The following GDE1 variants were observed in gnomAD, a reference collection of about 807,000 sequenced individuals.
The protein encoded by GDE1 is RGS16-interacting membrane protein.
GDE1 carries 24 observed loss-of-function variants against 32.2 expected under a neutral mutation model. That is an observed-to-expected ratio of 0.75 (90% confidence interval 0.54 to 1.05). GDE1 has a LOEUF of 1.05. GDE1 is among the 50% of genes least tolerant of loss of function. The probability of loss-of-function intolerance (pLI) is 0.00; values close to 1 mark genes in which losing one functional copy is unlikely to be tolerated. For synonymous variants in GDE1, 159 were observed against 158.6 expected (o/e 1.00, Z -0.02); for missense variants, 380 against 415.0 (o/e 0.92, Z 0.73).
Position 19,507,597 on chromosome 16 carries a change from T to A in GDE1, c.636+90A>T, listed in dbSNP as rs943436013. 13 of 742,082 alleles carry A rather than the reference T, an allele frequency of 1.8e-5. No individual in the cohort carries two copies. The South Asian group carries it at 1.8e-4, about 10-fold the overall frequency. The allele number at this position is 742,082 out of a possible 1,614,324, so 46.0% of individuals were successfully genotyped here. The stretch of plus-strand genomic sequence containing the variant: ...AACTGTGACCCTGATGCAGTTCAAT[T>A]TAATAGGCATCTATCCTGTGCTTAC... On this transcript the variant is annotated intron_variant, in intron 4 of 5. Coordinates refer to ENST00000353258, the MANE Select transcript of GDE1 (RefSeq NM_016641.4).
chr16:19,519,539 A>C (rs1418469275), intron 1 of GDE1, among the ~76,000 whole-genome samples: 1 of 152,070 alleles, frequency 6.6e-6, no homozygotes, highest in Non-Finnish European at 1.5e-5. Flanking sequence ...CTGGGAAACC[A>C]AAAAATTTGT....
intron 2 of GDE1, among the ~76,000 whole-genome samples, chr16:19,514,575 G>T (rs114413936): frequency 0.018 from 2,689 of 152,192 alleles, 90 homozygotes; most frequent in African/African-American, 0.062. Flanking sequence ...ACATAAATCT[G>T]TTAACTGTAT....
intron 1 of GDE1, among the ~76,000 whole-genome samples, chr16:19,520,421 A>ATT (rs1969435798): frequency 1.3e-5 from 2 of 148,656 alleles, no homozygotes; most frequent in African/African-American, 2.5e-5. Flanking sequence ...AAAAAAAAAG[A>ATT]AAAAAAAAGG....
chr16:19,517,064 C>T lies in GDE1; in HGVS notation c.387G>A (p.Leu129=), dbSNP rs768809353. 1.2e-6 allele frequency: 2 copies of T among 1,614,192 alleles called. No homozygotes were observed. Among genetic ancestry groups the T allele is most frequent in the Non-Finnish European group, 1.7e-6 (2 of 1,180,030 alleles). The change falls in exon 2 of 6, where the codon TTG becomes TTA. Residue 129 remains leucine (L), a synonymous_variant. Transcript: ENST00000353258. The part of the protein sequence containing the change: ...TTDGTGRLCD[L]TFEQIRKLNP... ...TCAGCTTCCTAATTTGTTCAAATGT[C>T]AAATCACACAATCGCCCAGTCCCAT...
Position 19,519,449 on chromosome 16 carries a change from C to CATATATAT in GDE1, c.261+2247_261+2254dup, listed in dbSNP as rs111659244. Reference sequence around the variant, plus strand: ...AAACCTATATATGTGTGTGTATGTGCATATATATATATATATATATATATA... The same window carrying CATATATAT: ...AAACCTATATATGTGTGTGTATGTGCATATATATATATATATATATATATATATATATA... On this transcript the variant is annotated intron_variant, in intron 1 of 5. Coordinates refer to ENST00000353258, the MANE Select transcript of GDE1 (RefSeq NM_016641.4). Among the ~76,000 whole-genome samples the CATATATAT allele has an allele frequency of 9.8e-3, 1,446 of 146,832 alleles. 18 individuals carry two copies. The highest frequency in any genetic ancestry group is 0.052 in the East Asian group (252 of 4,840).
At chr16:19,505,137 T>G (rs1263255943) in intron 4 of GDE1, 45 bp from the exon 5 acceptor site, 1 of 1,292,200 alleles carries the variant, frequency 7.7e-7, no homozygotes, top group Admixed American at 1.7e-5. Context: ...ATATGTAAAG[T>G]TGAATACTTA....
In GDE1 at chr16:19,521,707, C is replaced by T; in HGVS notation, c.258G>A (p.Arg86=). 6.2e-7 allele frequency: 1 copy of T among 1,611,592 alleles called. No individual in the cohort carries two copies. Among genetic ancestry groups the T allele is most frequent in the Non-Finnish European group, 8.5e-7 (1 of 1,179,314 alleles). ...DAPENTLAAI[R]QAAKNGATGV... ...GGCGCGAACGTGGGGGTCTCACCTG[C>T]CGAATGGCCGCCAGCGTGTTCTCGG... Residue 86 remains arginine, a synonymous_variant, in exon 1 of 6, where the codon CGG becomes CGA. Coordinates refer to ENST00000353258, the MANE Select transcript of GDE1 (RefSeq NM_016641.4).
At chr16:19,504,839 C>G (rs765003403) in intron 5 of GDE1, 42 bp downstream of exon 5, 1 of 1,252,940 alleles carries the variant, frequency 8.0e-7, no homozygotes, top group South Asian at 1.3e-5. Context: ...TAAGAGCATT[C>G]AGGATGTCTG....
At chr16:19,510,974 A>G in intron 2 of GDE1, 30 bp from the exon 3 acceptor site, 1 of 1,088,782 alleles carries the variant, frequency 9.2e-7, no homozygotes, top group East Asian at 2.4e-5. Context: ...ACGTTGTAGG[A>G]AAAAAGAGAA....
At chr16:19,503,930 C>T in intron 5 of GDE1, 1 of 265,374 alleles carries the variant, frequency 3.8e-6, no homozygotes, top group Non-Finnish European at 7.1e-6. Flanking sequence ...CACCACATTC[C>T]CCCTTTCTTT....
intron 4 of GDE1, 64 bp downstream of exon 4, chr16:19,507,623 G>A (rs11860778): frequency 0.12 from 98,046 of 823,296 alleles, 9,552 homozygotes; most frequent in East Asian, 0.39. Flanking sequence ...CTGTGCTTAC[G>A]CAGCCCATTG....
chr16:19,512,177 A>G (rs1969326193), intron 2 of GDE1, among the ~76,000 whole-genome samples: 1 of 152,144 alleles, frequency 6.6e-6, no homozygotes, highest in African/African-American at 2.4e-5. Flanking sequence ...ACTAATTTAC[A>G]TTCCCACCAA....
At position 19,521,869 on chromosome 16, in the gene GDE1, G is replaced by T. The variant is rs760929197; in HGVS notation, c.96C>A (p.Cys32Ter). Residue 32 changes from cysteine (C) to a stop codon, truncating the protein, a stop_gained, in exon 1 of 6, where the codon TGC becomes TGA. Transcript: ENST00000353258. LOFTEE classifies it high-confidence loss of function. ...GAACGAAGAGGCTGCCGGTGAGGAG[G>T]CAGGCATTGACCGGGCTCCGCGTCA... ...LLVTRSPVNA[C>*]LLTGSLFVLL... The T allele has an allele frequency of 6.2e-7, 1 of 1,606,360 alleles. No homozygotes were observed. Among genetic ancestry groups the T allele is most frequent in the Non-Finnish European group, 8.5e-7 (1 of 1,177,358 alleles).
chr16:19,505,933 T>C (rs1969240893), intron 4 of GDE1, among the ~76,000 whole-genome samples: 1 of 152,228 alleles, frequency 6.6e-6, no homozygotes, highest in African/African-American at 2.4e-5. Flanking sequence ...GGAGGAAAAG[T>C]TTCTTTTTAA....
chr16:19,516,911 A>G (rs1293214873), intron 2 of GDE1, 103 bp downstream of exon 2: 2 of 1,032,800 alleles, frequency 1.9e-6, no homozygotes, highest in Admixed American at 2.1e-5. Context: ...GTTCAAAACA[A>G]AACAAGACAA....
intron 4 of GDE1, among the ~76,000 whole-genome samples, chr16:19,507,305 G>T (rs1026536939): frequency 6.6e-6 from 1 of 152,032 alleles, no homozygotes; most frequent in Non-Finnish European, 1.5e-5. Flanking sequence ...ACAGTTAAAG[G>T]GGGGGTACAC....
At chr16:19,506,775 G>T (rs1017101025) in intron 4 of GDE1, among the ~76,000 whole-genome samples, 5 of 152,194 alleles carry the variant, frequency 3.3e-5, no homozygotes, top group African/African-American at 1.2e-4. Flanking sequence ...GATATTTGAT[G>T]ATATGAATAA....
intron 1 of GDE1, among the ~76,000 whole-genome samples, chr16:19,517,654 A>G (rs189073699): frequency 7.2e-5 from 11 of 152,322 alleles, no homozygotes; most frequent in Non-Finnish European, 1.5e-4. Context: ...CTCTACCACA[A>G]AGACACCACG....
At chr16:19,521,612 G>C in intron 1 of GDE1, 92 bp downstream of exon 1, 1 of 1,411,304 alleles carries the variant, frequency 7.1e-7, no homozygotes, top group Non-Finnish European at 9.6e-7. Context: ...GAAGTGGGAA[G>C]GCCGTCCTGA....
Sources: gnomAD v4.1 joint callset for allele counts (sites outside exome capture counted in the v4.1 genomes callset) on GRCh38, gnomAD v4.1.1 for gene constraint, MANE v1.5 for transcripts, NCBI Gene and HGNC (gene_info 2026-07-23, HGNC 2026-07-21) for gene names.